TRIM24: variants seen among roughly 807,000 people sequenced by gnomAD.
TRIM24 encodes the protein transcription intermediary factor 1-alpha.
TRIM24 carries 29 observed loss-of-function variants against 123.9 expected under a neutral mutation model. The ratio of observed to expected loss-of-function variants is 0.23; its 90% CI spans 0.17 to 0.32. TRIM24 has a LOEUF of 0.32. Ranked by LOEUF, TRIM24 falls within the 10% of genes least tolerant of loss-of-function variation. The pLI, the probability that TRIM24 is intolerant of heterozygous loss-of-function variation, is 1.00. For synonymous variants in TRIM24, 456 were observed against 461.1 expected (o/e 0.99, Z 0.14); for missense variants, 932 against 1,295.3 (o/e 0.72, Z 4.31).
chr7:138,489,655 T>C (rs556315120), intron 1 of TRIM24, among the ~76,000 whole-genome samples: 1 of 152,326 alleles, frequency 6.6e-6, no homozygotes, highest in East Asian at 1.9e-4. Context: ...ATTCTTTTCT[T>C]TAAGAGTGTT....
intron 13 of TRIM24, 104 bp from the exon 14 acceptor site, chr7:138,577,316 A>C (rs1390222659): frequency 2.3e-6 from 2 of 883,592 alleles, no homozygotes; most frequent in Admixed American, 6.2e-5. Context: ...TAACATACTT[A>C]TTGTTGTGAA....
intron 6 of TRIM24, among the ~76,000 whole-genome samples, chr7:138,532,547 G>T (rs543062399): frequency 6.6e-6 from 1 of 152,074 alleles, no homozygotes; most frequent in Admixed American, 6.6e-5. Flanking sequence ...ATTTCTGAGG[G>T]CTCTGTTCTG....
At chr7:138,560,644 T>C (rs1418617322) in intron 9 of TRIM24, among the ~76,000 whole-genome samples, 1 of 152,268 alleles carries the variant, frequency 6.6e-6, no homozygotes, top group Non-Finnish European at 1.5e-5. Context: ...GTAGTCTTTC[T>C]AGTGCCGTTT....
chr7:138,487,455 C>T (rs1248283537), intron 1 of TRIM24, among the ~76,000 whole-genome samples: 1 of 152,126 alleles, frequency 6.6e-6, no homozygotes, highest in Non-Finnish European at 1.5e-5. Context: ...AGTTTTTGCC[C>T]ATTCAGTATG....
intron 7 of TRIM24, among the ~76,000 whole-genome samples, chr7:138,542,436 A>T (rs571603919): frequency 6.6e-6 from 1 of 152,204 alleles, no homozygotes; most frequent in Admixed American, 6.5e-5. Context: ...TTGCTCTTAC[A>T]TGGGTGTGGT....
At chr7:138,547,923 T>C (rs1797132732) in intron 7 of TRIM24, among the ~76,000 whole-genome samples, 1 of 152,270 alleles carries the variant, frequency 6.6e-6, no homozygotes, top group South Asian at 2.1e-4. Context: ...GGATGACAGG[T>C]GTGAGCCACC....
chr7:138,482,196 T>C (rs1216237484), intron 1 of TRIM24, among the ~76,000 whole-genome samples: 2 of 152,158 alleles, frequency 1.3e-5, no homozygotes, highest in Non-Finnish European at 1.5e-5. Flanking sequence ...TGTCCTCCTG[T>C]CTTGGTCTTG....
intron 2 of TRIM24, 125 bp downstream of exon 2, chr7:138,504,533 G>T (rs138180573): frequency 5.6e-6 from 3 of 531,672 alleles, no homozygotes; most frequent in Non-Finnish European, 6.1e-6. Flanking sequence ...CGCAATCTCC[G>T]TTCACTGCAA....
intron 1 of TRIM24, among the ~76,000 whole-genome samples, chr7:138,491,828 T>C (rs1795790771): frequency 6.6e-6 from 1 of 152,202 alleles, no homozygotes; most frequent in African/African-American, 2.4e-5. Context: ...ATTTTTCCTT[T>C]TATTTATTTA....
intron 1 of TRIM24, among the ~76,000 whole-genome samples, chr7:138,488,999 C>G (rs988491510): frequency 1.3e-5 from 2 of 152,152 alleles, no homozygotes; most frequent in African/African-American, 2.4e-5. Flanking sequence ...CTTTGTAGGT[C>G]TCTAAGGACT....
intron 14 of TRIM24, 141 bp downstream of exon 14, chr7:138,577,729 A>C (rs1324577222): frequency 4.2e-6 from 3 of 717,944 alleles, no homozygotes; most frequent in Non-Finnish European, 6.0e-6. Flanking sequence ...TCAGTAAATT[A>C]AACAAAAAGA....
In TRIM24 at chr7:138,588,863, TGGG is replaced by T. The variant is rs1798060752; in HGVS notation, c.*3913_*3915del. 3 of 151,026 alleles carry T rather than the reference TGGG, an allele frequency of 2.0e-5. No homozygotes were observed. Among genetic ancestry groups the T allele is most frequent in the African/African-American group, 7.3e-5 (3 of 40,958 alleles). 9.4% of individuals were successfully genotyped at this position (151,026 alleles called of 1,614,324 possible). A position where few individuals can be genotyped will look rare whatever the true frequency, so the allele number is the denominator to read the frequency against. On this transcript the variant is annotated 3_prime_UTR_variant, in exon 19 of 19. Coordinates refer to ENST00000343526, the MANE Select transcript of TRIM24 (RefSeq NM_015905.3). ...CAACAGAATATACAAAAAAATTAGC[TGGG>T]TGTGGTGGCGGGTGCCTGTAATCTC... is the stretch of plus-strand genomic sequence containing the variant.
At chr7:138,544,677 C>G (rs35934517) in intron 7 of TRIM24, among the ~76,000 whole-genome samples, 2 of 152,198 alleles carry the variant, frequency 1.3e-5, no homozygotes, top group Non-Finnish European at 2.9e-5. Context: ...CAACACTTGT[C>G]TTCCTTGTCT....
rs772136814 is a variant in TRIM24, at chr7:138,570,817, C to T, written c.1705-13C>T. The stretch of plus-strand genomic sequence containing the variant: ...TGTTGATAGCCTTTGTTCTTCTCTT[C>T]TTGTTACTGTAGTGGCAGATCAGCA... On this transcript the variant is annotated splice_polypyrimidine_tract_variant and intron_variant, in intron 10 of 18. Coordinates refer to ENST00000343526, the MANE Select transcript of TRIM24 (RefSeq NM_015905.3). 1.2e-6 allele frequency: 2 copies of T among 1,613,098 alleles called. No homozygotes were observed.
intron 1 of TRIM24, among the ~76,000 whole-genome samples, chr7:138,493,851 A>C (rs539965031): frequency 6.6e-6 from 1 of 152,296 alleles, no homozygotes; most frequent in East Asian, 1.9e-4. Context: ...GATAATACCA[A>C]TAACCTTATC....
At chr7:138,526,108 G>T (rs954518678) in intron 5 of TRIM24, among the ~76,000 whole-genome samples, 1 of 152,174 alleles carries the variant, frequency 6.6e-6, no homozygotes, top group Non-Finnish European at 1.5e-5. Flanking sequence ...AATAAGTCAA[G>T]AAATGTTTAT....
intron 1 of TRIM24, among the ~76,000 whole-genome samples, chr7:138,472,764 A>G (rs189436993): frequency 6.6e-6 from 1 of 152,336 alleles, no homozygotes; most frequent in East Asian, 1.9e-4. Flanking sequence ...AGATAAGGAC[A>G]TTGCCACAGA....
chr7:138,532,617 C>T (rs1796771890), intron 6 of TRIM24, among the ~76,000 whole-genome samples: 1 of 152,084 alleles, frequency 6.6e-6, no homozygotes, highest in Admixed American at 6.6e-5. Flanking sequence ...TTACTGTAGC[C>T]TTGTAGTAAA....
At chr7:138,580,790 T>G in intron 16 of TRIM24, 96 bp downstream of exon 16, 1 of 1,149,384 alleles carries the variant, frequency 8.7e-7, no homozygotes. Flanking sequence ...GATTTTATAC[T>G]GATCCTTTTT....
Sources: gnomAD v4.1 joint callset for allele counts (sites outside exome capture counted in the v4.1 genomes callset) on GRCh38, gnomAD v4.1.1 for gene constraint, MANE v1.5 for transcripts, NCBI Gene and HGNC (gene_info 2026-07-23, HGNC 2026-07-21) for gene names.